The following RGS7 variants were observed in gnomAD, a reference collection of about 807,000 sequenced individuals.
The protein encoded by RGS7 is regulator of G protein signaling 7.
RGS7 carries 27 observed loss-of-function variants against 81.1 expected under a neutral mutation model. That is an observed-to-expected ratio of 0.33 (90% confidence interval 0.25 to 0.46). RGS7 has a LOEUF of 0.46. Ranked by LOEUF, RGS7 falls within the 20% of genes least tolerant of loss-of-function variation. The pLI is 1.00. For missense variants in RGS7, 396 were observed against 607.4 expected, an observed-to-expected ratio of 0.65 and a Z score of 3.66; for synonymous variants, 208 against 207.7, an observed-to-expected ratio of 1.00 and a Z score of -0.01.
chr1:241,199,282 T>G lies in RGS7; in HGVS notation c.79-100520A>C, dbSNP rs530118663. On this transcript the variant is annotated intron_variant, in intron 2 of 18. Transcript: ENST00000440928. Reference sequence around the variant, plus strand: ...CCATCCCAGCCAACATGGTGAAACCTCATCTGTACTAAAAAAAATACAAAA... The same window carrying G: ...CCATCCCAGCCAACATGGTGAAACCGCATCTGTACTAAAAAAAATACAAAA... Among the ~76,000 whole-genome samples the G allele has an allele frequency of 4.6e-5, 7 of 152,036 alleles. No homozygotes were observed. In the South Asian group the frequency reaches 1.5e-3, roughly 32 times the overall value.
At chr1:240,891,150 G>C (rs1025031629) in intron 6 of RGS7, among the ~76,000 whole-genome samples, 5 of 152,086 alleles carry the variant, frequency 3.3e-5, no homozygotes, top group Non-Finnish European at 7.4e-5. Flanking sequence ...TGTCCTCTCT[G>C]AGCCAGATTC....
chr1:241,039,545 G>A (rs1178942896), intron 3 of RGS7, among the ~76,000 whole-genome samples: 2 of 150,812 alleles, frequency 1.3e-5, no homozygotes, highest in Non-Finnish European at 3.0e-5. Context: ...AGATTGGTCA[G>A]TTGATCACTG....
At chr1:241,018,076 C>A (rs950939301) in intron 3 of RGS7, among the ~76,000 whole-genome samples, 10 of 151,764 alleles carry the variant, frequency 6.6e-5, no homozygotes, top group African/African-American at 2.4e-4. Flanking sequence ...AAGTGATTCT[C>A]CTACCTTAGC....
At chr1:241,125,555 T>C (rs1390139406) in intron 2 of RGS7, among the ~76,000 whole-genome samples, 1 of 152,144 alleles carries the variant, frequency 6.6e-6, no homozygotes, top group Non-Finnish European at 1.5e-5. Context: ...GCTTCTATCC[T>C]AAATATGCTC....
chr1:240,823,197 G>A, intron 10 of RGS7: 1 of 905,502 alleles, frequency 1.1e-6, no homozygotes, highest in Non-Finnish European at 1.8e-6. Flanking sequence ...GGATAAGCGT[G>A]TCCATGGACT....
chr1:240,995,567 G>C (rs753954159), intron 3 of RGS7, among the ~76,000 whole-genome samples: 6 of 152,106 alleles, frequency 3.9e-5, no homozygotes, highest in Non-Finnish European at 5.9e-5. Flanking sequence ...ATAGTCTGTG[G>C]TTTTTGAGAC....
intron 6 of RGS7, among the ~76,000 whole-genome samples, chr1:240,905,592 T>G (rs1670693576): frequency 6.6e-6 from 1 of 152,200 alleles, no homozygotes; most frequent in Non-Finnish European, 1.5e-5. Flanking sequence ...GCCCAGTTAG[T>G]CTGATTCCAA....
intron 3 of RGS7, among the ~76,000 whole-genome samples, chr1:240,991,453 G>A (rs537055623): frequency 6.6e-6 from 1 of 152,308 alleles, no homozygotes; most frequent in Admixed American, 6.5e-5. Context: ...CTTTTCCCAA[G>A]TCGCATTCAG....
At chr1:240,972,696 T>TAAAAA (rs34149848) in intron 4 of RGS7, among the ~76,000 whole-genome samples, 1 of 103,614 alleles carries the variant, frequency 9.7e-6, no homozygotes. Flanking sequence ...TAAAGTATAA[T>TAAAAA]AAAAAAAAAA....
intron 15 of RGS7, among the ~76,000 whole-genome samples, chr1:240,804,712 A>C (rs1271164674): frequency 1.3e-5 from 2 of 152,224 alleles, no homozygotes; most frequent in African/African-American, 4.8e-5. Context: ...AAGAAAAATC[A>C]GCAGAGAAGT....
intron 2 of RGS7, among the ~76,000 whole-genome samples, chr1:241,246,300 G>A (rs1012971229): frequency 5.9e-5 from 9 of 152,018 alleles, no homozygotes; most frequent in African/African-American, 2.2e-4. Flanking sequence ...AACCTGGACT[G>A]ATAAATCTAT....
intron 3 of RGS7, among the ~76,000 whole-genome samples, chr1:240,994,030 T>A (rs1236139612): frequency 6.6e-6 from 1 of 152,222 alleles, no homozygotes; most frequent in Admixed American, 6.5e-5. Context: ...GTTTTATTGA[T>A]CTACATGTCT....
intron 6 of RGS7, among the ~76,000 whole-genome samples, chr1:240,904,500 T>G (rs1373789484): frequency 6.6e-6 from 1 of 152,234 alleles, no homozygotes; most frequent in Non-Finnish European, 1.5e-5. Context: ...GCTTGTTACC[T>G]GCAGTTTTGT....
intron 9 of RGS7, among the ~76,000 whole-genome samples, chr1:240,862,955 GTT>G (rs932676528): frequency 1.3e-5 from 2 of 149,406 alleles, no homozygotes; most frequent in African/African-American, 5.0e-5. Context: ...GTGTGTGTGT[GTT>G]TGTGTGTGTA....
At position 241,254,111 on chromosome 1, in the gene RGS7, A is replaced by C. The variant is rs373231612; in HGVS notation, c.78+101588T>G. On this transcript the variant is annotated intron_variant, in intron 2 of 18. Coordinates refer to ENST00000440928, the MANE Select transcript of RGS7 (RefSeq NM_001364886.1). ...GCTACTGGGAAGACTGAGGCAGGAG[A>C]ATGGCACAAACCCGGGAGGTGGGGC... is the stretch of plus-strand genomic sequence containing the variant. 1.1e-3 allele frequency among the ~76,000 whole-genome samples: 161 copies of C among 151,888 alleles called. 1 individual carries two copies. Among genetic ancestry groups the C allele is most frequent in the Middle Eastern group, 3.4e-3 (1 of 294 alleles).
chr1:241,071,528 A>C (rs1314200111), intron 3 of RGS7, among the ~76,000 whole-genome samples: 1 of 149,614 alleles, frequency 6.7e-6, no homozygotes, highest in Non-Finnish European at 1.5e-5. Context: ...ACTAGCAGTG[A>C]TGTTTTTGTC....
chr1:240,798,568 T>A (rs558893659), intron 18 of RGS7, among the ~76,000 whole-genome samples: 1 of 152,238 alleles, frequency 6.6e-6, no homozygotes, highest in East Asian at 1.9e-4. Context: ...ACAAAATACA[T>A]TTGGAGTCAG....
intron 4 of RGS7, among the ~76,000 whole-genome samples, chr1:240,978,960 C>A (rs1684536375): frequency 6.6e-6 from 1 of 152,074 alleles, no homozygotes; most frequent in African/African-American, 2.4e-5. Flanking sequence ...AAACCTGAAT[C>A]AACAGACTTA....
intron 13 of RGS7, among the ~76,000 whole-genome samples, chr1:240,812,311 C>G (rs7537530): frequency 0.75 from 114,484 of 151,856 alleles, 43,473 homozygotes; most frequent in African/African-American, 0.79. Context: ...TATGAGATAG[C>G]CACTATTAAT....
Sources: allele counts gnomAD v4.1 joint callset (sites outside exome capture counted in the v4.1 genomes callset), GRCh38; gene constraint gnomAD v4.1.1; transcripts MANE v1.5; gene names NCBI Gene and HGNC (gene_info 2026-07-23, HGNC 2026-07-21).